Variants in NR3C1 observed in about 807,000 individuals in gnomAD.
NR3C1 encodes nuclear receptor subfamily 3 group C member 1.
A neutral mutation model predicts 74.0 loss-of-function variants in NR3C1; 14 were observed. The observed-to-expected ratio is 0.19, with a 90% CI of 0.12 to 0.30. NR3C1 has a LOEUF of 0.30. NR3C1 is among the 10% of genes least tolerant of loss of function. The pLI is 1.00. For missense variants in NR3C1, 695 were observed against 909.8 expected, an observed-to-expected ratio of 0.76 and a Z score of 3.04; for synonymous variants, 308 against 332.5, an observed-to-expected ratio of 0.93 and a Z score of 0.80.
intron 7 of NR3C1, among the ~76,000 whole-genome samples, chr5:143,285,809 C>A (rs1814286148): frequency 6.6e-6 from 1 of 151,778 alleles, no homozygotes; most frequent in South Asian, 2.1e-4. Context: ...AAAGAAAGGT[C>A]TCAATTAATT....
Position 143,347,723 on chromosome 5 carries a change from G to T in NR3C1, c.1185-33555C>A, listed in dbSNP as rs1253705369. Among the ~76,000 whole-genome samples, 6 of 152,334 alleles carry T rather than the reference G, an allele frequency of 3.9e-5. 1 individual carries two copies. The South Asian group carries it at 6.2e-4, about 16-fold the overall frequency. ...AAACACCAAGGGATAAGTATCATTT[G>T]TGTGAAATGACATTGATGTTTTCAG... On this transcript the variant is annotated intron_variant, in intron 2 of 8. Transcript: ENST00000394464.
At chr5:143,418,327 T>C (rs779038010) in intron 1 of NR3C1, among the ~76,000 whole-genome samples, 1 of 152,218 alleles carries the variant, frequency 6.6e-6, no homozygotes, top group Non-Finnish European at 1.5e-5. Context: ...GACAAGGGAC[T>C]GGGTTTTGGT....
At chr5:143,307,777 T>C (rs1012893209) in intron 4 of NR3C1, among the ~76,000 whole-genome samples, 2 of 152,148 alleles carry the variant, frequency 1.3e-5, no homozygotes, top group African/African-American at 2.4e-5. Flanking sequence ...ATTACATACA[T>C]AGGAGATTAG....
Position 143,294,809 on chromosome 5 carries a change from G to A in NR3C1, c.2023+651C>T, listed in dbSNP as rs1816802714. 8 of 588,240 alleles carry A rather than the reference G, an allele frequency of 1.4e-5. No individual in the cohort carries two copies. The South Asian group carries it at 5.3e-4, about 39-fold the overall frequency. The allele number at this position is 588,240 out of a possible 1,614,324, so 36.4% of individuals were successfully genotyped here. Reference sequence around the variant, plus strand: ...TAACGTCCCTCCATGTGTTTTCATGGCTTGACAGCTTATTTCTTTTTAGTC... The same window carrying A: ...TAACGTCCCTCCATGTGTTTTCATGACTTGACAGCTTATTTCTTTTTAGTC... On this transcript the variant is annotated intron_variant, in intron 7 of 8. Coordinates refer to ENST00000394464, the MANE Select transcript of NR3C1 (RefSeq NM_000176.3).
intron 2 of NR3C1, among the ~76,000 whole-genome samples, chr5:143,363,517 G>A (rs909848482): frequency 1.3e-5 from 2 of 151,978 alleles, no homozygotes; most frequent in African/African-American, 2.4e-5. Context: ...AGCTTGCAGT[G>A]AGCTGAGATC....
At chr5:143,374,620 GGGA>G (rs1476270105) in intron 2 of NR3C1, among the ~76,000 whole-genome samples, 31 of 152,242 alleles carry the variant, frequency 2.0e-4, no homozygotes, top group African/African-American at 7.2e-4. Flanking sequence ...GGCGAGGGCA[GGGA>G]GGAGAGACAG....
chr5:143,279,646 AAAG>A lies in NR3C1; in HGVS notation c.*2240_*2242del. Reference sequence around the variant, plus strand: ...AACAAATAACATTCAAAAAGCATTCAAAGAAAACAAAAACATGTCCTCATTTTA... The same window carrying A: ...AACAAATAACATTCAAAAAGCATTCAAAAACAAAAACATGTCCTCATTTTA... On this transcript the variant is annotated 3_prime_UTR_variant, in exon 9 of 9. Coordinates refer to ENST00000394464, the MANE Select transcript of NR3C1 (RefSeq NM_000176.3). 1 of 419,112 alleles carries A rather than the reference AAAG, an allele frequency of 2.4e-6. No individual in the cohort carries two copies. The highest frequency in any genetic ancestry group is 4.2e-5 in the East Asian group (1 of 23,794). 26.0% of individuals were successfully genotyped at this position (419,112 alleles called of 1,614,324 possible). A position where few individuals can be genotyped will look rare whatever the true frequency, so the allele number is the denominator to read the frequency against.
At chr5:143,378,823 T>C (rs1176684252) in intron 2 of NR3C1, among the ~76,000 whole-genome samples, 2 of 152,216 alleles carry the variant, frequency 1.3e-5, no homozygotes, top group African/African-American at 4.8e-5. Context: ...CTTTCAATTG[T>C]TAATGTGGAA....
intron 2 of NR3C1, among the ~76,000 whole-genome samples, chr5:143,326,998 G>C (rs1824739489): frequency 6.6e-6 from 1 of 152,150 alleles, no homozygotes; most frequent in Non-Finnish European, 1.5e-5. Flanking sequence ...CATAATAATA[G>C]CTGCTATTTA....
chr5:143,288,547 C>A (rs1815094820), intron 7 of NR3C1, among the ~76,000 whole-genome samples: 1 of 151,936 alleles, frequency 6.6e-6, no homozygotes, highest in Non-Finnish European at 1.5e-5. Flanking sequence ...CTAGAGTGCA[C>A]TGGCATGATC....
intron 2 of NR3C1, among the ~76,000 whole-genome samples, chr5:143,365,468 G>A (rs1023587381): frequency 3.3e-4 from 50 of 152,118 alleles, no homozygotes; most frequent in Non-Finnish European, 5.9e-5. Context: ...CTATCAAGAA[G>A]ATATAATAAT....
intron 2 of NR3C1, among the ~76,000 whole-genome samples, chr5:143,322,941 T>TC (rs1455222385): frequency 1.3e-5 from 2 of 152,206 alleles, no homozygotes; most frequent in African/African-American, 4.8e-5. Context: ...TCCCTACATA[T>TC]CCACTGAAAC....
chr5:143,370,349 T>G (rs1282156120), intron 2 of NR3C1, among the ~76,000 whole-genome samples: 1 of 152,170 alleles, frequency 6.6e-6, no homozygotes, highest in African/African-American at 2.4e-5. Context: ...GTAACCTACT[T>G]TTTGTTTATT....
In NR3C1 at chr5:143,403,207, T is replaced by G. The variant is rs1388702457; in HGVS notation, c.-14+4A>C. The G allele has an allele frequency of 2.0e-6, 2 of 984,782 alleles. No individual in the cohort carries two copies. The highest frequency in any genetic ancestry group is 1.8e-5 in the African/African-American group (1 of 56,990). 61.0% of individuals were successfully genotyped at this position (984,782 alleles called of 1,614,324 possible). A position where few individuals can be genotyped will look rare whatever the true frequency, so the allele number is the denominator to read the frequency against. On this transcript the variant is annotated splice_donor_region_variant and intron_variant, in intron 1 of 8. Coordinates refer to ENST00000394464, the MANE Select transcript of NR3C1 (RefSeq NM_000176.3). ...CCCCGGCCCCCTCCCGCCTCGCTTC[T>G]TACCTCTGGCAGAGGAGCCGCTCGC...
intron 2 of NR3C1, among the ~76,000 whole-genome samples, chr5:143,319,209 A>G (rs987040540): frequency 1.3e-5 from 2 of 152,098 alleles, no homozygotes; most frequent in African/African-American, 4.8e-5. Context: ...TCTCAATCTC[A>G]ATTGCCCTAT....
In NR3C1 at chr5:143,300,905, TG is replaced by T. The variant is rs1240900093; in HGVS notation, c.1469-143del. On this transcript the variant is annotated intron_variant, in intron 4 of 8. Transcript: ENST00000394464. The surrounding 1 kb of genome is among the most constrained non-coding windows in gnomAD (Gnocchi z 5.2). Reference sequence around the variant, plus strand: ...ATTTAGCAATTATGATAAAGTGACATGGAAAAGGAGAAAAAACTTTTTTTTT... The same window carrying T: ...ATTTAGCAATTATGATAAAGTGACATGAAAAGGAGAAAAAACTTTTTTTTT... 9 of 1,003,294 alleles carry T rather than the reference TG, an allele frequency of 9.0e-6. No individual in the cohort carries two copies. The highest frequency in any genetic ancestry group is 1.3e-5 in the Non-Finnish European group (9 of 709,240). 62.1% of individuals were successfully genotyped at this position (1,003,294 alleles called of 1,614,324 possible).
Position 143,400,344 on chromosome 5 carries a change from C to T in NR3C1, c.496G>A (p.Glu166Lys). Reference sequence around the variant, plus strand: ...GTCTGGCCCTTCAAATGTTGCTGTTCTGAAGATACATCAGAGTGAGTTTTT... The same window carrying T: ...GTCTGGCCCTTCAAATGTTGCTGTTTTGAAGATACATCAGAGTGAGTTTTT... ...FPKTHSDVSSEQQHLKGQTGT... is the reference protein window; with the variant it reads ...FPKTHSDVSSKQQHLKGQTGT... Residue 166 changes from glutamate to lysine, a missense_variant, in exon 2 of 9, where the codon GAA (glutamate) becomes AAA (lysine). Around this residue, in one of 4 missense-constraint regions of NR3C1, gnomAD observed 497 missense variants for 489.5 expected, o/e 1.02. Transcript: ENST00000394464. 1 of 1,614,032 alleles carries T rather than the reference C, an allele frequency of 6.2e-7. No individual in the cohort carries two copies. The highest frequency in any genetic ancestry group is 1.3e-5 in the African/African-American group (1 of 74,984).
chr5:143,328,764 T>G (rs1357446645), intron 2 of NR3C1, among the ~76,000 whole-genome samples: 1 of 152,252 alleles, frequency 6.6e-6, no homozygotes, highest in African/African-American at 2.4e-5. Context: ...ATGCTGCCAG[T>G]CTTTTTGCTA....
chr5:143,286,163 C>G (rs981906907), intron 7 of NR3C1, among the ~76,000 whole-genome samples: 3 of 151,994 alleles, frequency 2.0e-5, no homozygotes. Flanking sequence ...AAAGCTCACT[C>G]AAGAATAAAC....
Sources: allele counts gnomAD v4.1 joint callset (sites outside exome capture counted in the v4.1 genomes callset), GRCh38; gene constraint gnomAD v4.1.1; regional missense constraint gnomAD v4.1.1; non-coding constraint Gnocchi (gnomAD v3.1); transcripts MANE v1.5; gene names NCBI Gene and HGNC (gene_info 2026-07-23, HGNC 2026-07-21).